SMG9: variants seen among roughly 807,000 people sequenced by gnomAD.
SMG9 encodes the protein nonsense-mediated mRNA decay factor SMG9.
SMG9 carries 55 observed loss-of-function variants against 64.0 expected under a neutral mutation model. That is an observed-to-expected ratio of 0.86 (90% CI 0.69 to 1.08). The LOEUF (loss-of-function observed/expected upper bound fraction) is 1.08. Ranked by LOEUF, SMG9 falls within the 50% of genes least tolerant of loss-of-function variation. The probability of loss-of-function intolerance (pLI) is 0.00; values close to 1 mark genes in which losing one functional copy is unlikely to be tolerated. For missense variants in SMG9, 554 were observed against 681.3 expected, an observed-to-expected ratio of 0.81 and a Z score of 2.08; for synonymous variants, 244 against 254.8, an observed-to-expected ratio of 0.96 and a Z score of 0.41.
At position 43,750,575 on chromosome 19, in the gene SMG9, TG is replaced by T. The variant is rs760257494; in HGVS notation, c.150+16del. The T allele has an allele frequency of 6.2e-7, 1 of 1,600,200 alleles. No homozygotes were observed. Among genetic ancestry groups the T allele is most frequent in the South Asian group, 1.1e-5 (1 of 89,652 alleles). Reference sequence around the variant, plus strand: ...CAAATAGATACATGAATGCTGCTCCTGGGTCCAGACACTCACCCTTCTCTCT... The same window carrying T: ...CAAATAGATACATGAATGCTGCTCCTGGTCCAGACACTCACCCTTCTCTCT... On this transcript the variant is annotated intron_variant, in intron 2 of 13. Transcript: ENST00000270066.
chr19:43,733,653 T>C lies in SMG9; in HGVS notation c.1183A>G (p.Met395Val), dbSNP rs1349843444. Residue 395 changes from methionine to valine, a missense_variant, in exon 11 of 14, where the codon ATG becomes GTG. Met to Val is a conservative substitution (Grantham distance 21, BLOSUM62 1). Coordinates refer to ENST00000270066, the MANE Select transcript of SMG9 (RefSeq NM_019108.4). ...TTGTAACGCAGGTGGGAGTGGGCCA[T>C]GAGCTGGTCAATCATCAGGTGCATC... is the stretch of plus-strand genomic sequence containing the variant. ...RQMHLMIDQL[M>V]AHSHLRYKGT... 9.3e-6 allele frequency: 15 copies of C among 1,613,920 alleles called. No homozygotes were observed. Among genetic ancestry groups the C allele is most frequent in the Non-Finnish European group, 1.2e-5 (14 of 1,179,966 alleles).
chr19:43,746,621 C>A (rs555217246), intron 5 of SMG9, among the ~76,000 whole-genome samples: 1 of 150,330 alleles, frequency 6.7e-6, no homozygotes, highest in Non-Finnish European at 1.5e-5. Context: ...ACCTCTGGGA[C>A]AATCTGAGCA....
intron 5 of SMG9, among the ~76,000 whole-genome samples, chr19:43,747,127 TAAG>T (rs915569257): frequency 1.3e-5 from 2 of 152,076 alleles, no homozygotes; most frequent in African/African-American, 4.8e-5. Context: ...TTCAACCAAA[TAAG>T]AAGGGTACTG....
intron 7 of SMG9, among the ~76,000 whole-genome samples, chr19:43,739,098 G>A (rs190843108): frequency 6.6e-5 from 10 of 152,226 alleles, no homozygotes; most frequent in East Asian, 1.9e-4. Context: ...GAACAGACAC[G>A]GTGGCAAATC....
In SMG9 at chr19:43,747,965, C is replaced by T. The variant is rs756979205; in HGVS notation, c.225+13G>A. 6 of 1,614,120 alleles carry T rather than the reference C, an allele frequency of 3.7e-6. No homozygotes were observed. Among genetic ancestry groups the T allele is most frequent in the Admixed American group, 1.7e-5 (1 of 60,006 alleles). On this transcript the variant is annotated intron_variant, in intron 3 of 13. Coordinates refer to ENST00000270066, the MANE Select transcript of SMG9 (RefSeq NM_019108.4). ...CCCTAACGGCTCCCCCTCCTCCCTC[C>T]TTCTCTGCTCACCCGCTCTGCTGGA...
intron 13 of SMG9, 143 bp downstream of exon 13, chr19:43,732,715 A>G: frequency 1.1e-6 from 1 of 934,584 alleles, no homozygotes. Flanking sequence ...ACAAGACAGT[A>G]GCAATCATCA....
chr19:43,739,804 A>G, intron 7 of SMG9: 1 of 366,952 alleles, frequency 2.7e-6, no homozygotes, highest in East Asian at 5.8e-5. Flanking sequence ...TTTAAAACTG[A>G]AAGTCACCCA....
rs749888109 is a variant in SMG9 at position 43,734,489 on chromosome 19, C to A, written c.1002G>T (p.Leu334=). The A allele has an allele frequency of 3.2e-5, 50 of 1,556,200 alleles. No homozygotes were observed. The highest frequency in any genetic ancestry group is 1.7e-6 in the Non-Finnish European group (2 of 1,149,444). Residue 334 remains leucine (L), a synonymous_variant, in exon 10 of 14, where the codon CTG becomes CTT. Coordinates refer to ENST00000270066, the MANE Select transcript of SMG9 (RefSeq NM_019108.4). The part of the protein sequence containing the change: ...WFTDLSLYRF[L]QTAEMVKPST... ...AGGGCTTCACCATCTCTGCTGTCTG[C>A]AGGAACCTTGGGGTTTGGGGTGAGT...
At chr19:43,742,393 G>A (rs922434482) in intron 6 of SMG9, among the ~76,000 whole-genome samples, 1 of 152,300 alleles carries the variant, frequency 6.6e-6, no homozygotes, top group South Asian at 2.1e-4. Flanking sequence ...CCATGATCAG[G>A]CCACTACACT....
Position 43,747,622 on chromosome 19 carries a change from C to T in SMG9, c.490+11G>A, listed in dbSNP as rs754644519. ...CAGTTCCCAACCTGGTACTGCCCAG[C>T]CCCAACTCACGGTCCATGGCTGCTG... On this transcript the variant is annotated intron_variant, in intron 4 of 13. Transcript: ENST00000270066. 11 of 1,613,850 alleles carry T rather than the reference C, an allele frequency of 6.8e-6. No individual in the cohort carries two copies. Among genetic ancestry groups the T allele is most frequent in the Non-Finnish European group, 9.3e-6 (11 of 1,179,944 alleles).
At chr19:43,734,822 C>T (rs1050577935) in intron 9 of SMG9, 46 of 219,320 alleles carry the variant, frequency 2.1e-4, no homozygotes, top group African/African-American at 1.0e-3. Context: ...CACAGCCTCC[C>T]TGACTATCAA....
chr19:43,744,195 C>T (rs750789069), intron 6 of SMG9, among the ~76,000 whole-genome samples: 25 of 152,164 alleles, frequency 1.6e-4, no homozygotes, highest in Non-Finnish European at 2.9e-4. Context: ...GTCTGATCCT[C>T]CCCAGCCTGG....
At position 43,731,681 on chromosome 19, in the gene SMG9, G is replaced by A; in HGVS notation, c.1485-7C>T. 1 of 1,614,258 alleles carries A rather than the reference G, an allele frequency of 6.2e-7. No individual in the cohort carries two copies. Among genetic ancestry groups the A allele is most frequent in the Non-Finnish European group, 8.5e-7 (1 of 1,180,032 alleles). ...CCGGGCAGCGTAGTGGAACCTGTGA[G>A]GAGGCCAACAGTCAGGGCTGCCTGG... is the stretch of plus-strand genomic sequence containing the variant. On this transcript the variant is annotated splice_region_variant and splice_polypyrimidine_tract_variant and intron_variant, in intron 13 of 13. Coordinates refer to ENST00000270066, the MANE Select transcript of SMG9 (RefSeq NM_019108.4).
intron 13 of SMG9, 193 bp downstream of exon 13, chr19:43,732,665 G>C: frequency 1.5e-6 from 1 of 657,944 alleles, no homozygotes; most frequent in Admixed American, 3.0e-5. Flanking sequence ...AGGATTCAAA[G>C]TCACAGGAAA....
chr19:43,732,932 C>T lies in SMG9; in HGVS notation c.1410G>A (p.Val470=). Residue 470 remains valine (V), a synonymous_variant, in exon 13 of 14, where the codon GTG becomes GTA. Coordinates refer to ENST00000270066, the MANE Select transcript of SMG9 (RefSeq NM_019108.4). ...ACATCACTTGGCTCCGGAGCTTGCTCACCAAGGACTGGAAACTGGGGTGGC... is the reference window on the plus strand; with the variant it reads ...ACATCACTTGGCTCCGGAGCTTGCTTACCAAGGACTGGAAACTGGGGTGGC... ...YRGHPSFQSL[V]SKLRSQVMSM... 1.9e-6 allele frequency: 3 copies of T among 1,613,978 alleles called. No individual in the cohort carries two copies.
At chr19:43,750,386 T>C in intron 2 of SMG9, 1 of 705,936 alleles carries the variant, frequency 1.4e-6, no homozygotes, top group Non-Finnish European at 2.5e-6. Context: ...TTCAAGTCTC[T>C]GCTAAAAAGT....
At chr19:43,745,721 G>A (rs1968979102) in intron 5 of SMG9, among the ~76,000 whole-genome samples, 1 of 152,100 alleles carries the variant, frequency 6.6e-6, no homozygotes. Flanking sequence ...ACAAAACCCG[G>A]CTGGGTGCAG....
intron 6 of SMG9, among the ~76,000 whole-genome samples, chr19:43,743,567 G>A (rs1016103440): frequency 3.3e-5 from 5 of 152,170 alleles, no homozygotes; most frequent in South Asian, 2.1e-4. Context: ...AGGCCAAAGC[G>A]GGAGGATTGC....
chr19:43,739,454 C>A (rs555469592), intron 7 of SMG9, among the ~76,000 whole-genome samples: 3 of 152,096 alleles, frequency 2.0e-5, no homozygotes, highest in Admixed American at 2.0e-4. Flanking sequence ...ACGGGATATG[C>A]GAAGTCCAGA....
Sources: allele counts gnomAD v4.1 joint callset (sites outside exome capture counted in the v4.1 genomes callset), GRCh38; gene constraint gnomAD v4.1.1; transcripts MANE v1.5; gene names NCBI Gene and HGNC (gene_info 2026-07-23, HGNC 2026-07-21).